Variants in DCC observed in about 807,000 individuals in gnomAD.
The protein encoded by DCC is DCC netrin 1 receptor.
In DCC, 58 loss-of-function variants were observed where a neutral mutation model predicts 172.5. The ratio of observed to expected loss-of-function variants is 0.34; its 90% CI spans 0.27 to 0.42. The LOEUF (loss-of-function observed/expected upper bound fraction) is 0.42. DCC is among the 10% of genes least tolerant of loss of function. The probability of loss-of-function intolerance (pLI) is 1.00; values close to 1 mark genes in which losing one functional copy is unlikely to be tolerated. For synonymous variants in DCC, 709 were observed against 644.5 expected (o/e 1.10, Z -1.52); for missense variants, 1,740 against 1,791.0 (o/e 0.97, Z 0.51).
intron 2 of DCC, among the ~76,000 whole-genome samples, chr18:52,846,570 T>C (rs1034999111): frequency 6.9e-6 from 1 of 145,172 alleles, no homozygotes; most frequent in African/African-American, 2.6e-5. Flanking sequence ...ATTTAACTGC[T>C]TCCTCCTCCT....
At chr18:52,396,371 C>A (rs1986231544) in intron 1 of DCC, among the ~76,000 whole-genome samples, 1 of 148,508 alleles carries the variant, frequency 6.7e-6, no homozygotes, top group South Asian at 2.1e-4. Flanking sequence ...AATTTGAGCT[C>A]CTCCTAATTT....
intron 15 of DCC, among the ~76,000 whole-genome samples, chr18:53,344,440 CTTTTTT>C (rs71175582): frequency 6.2e-5 from 6 of 97,058 alleles, no homozygotes; most frequent in South Asian, 4.0e-4. Flanking sequence ...TTTCGTTTTT[CTTTTTT>C]TTTTTTTTTT....
intron 1 of DCC, among the ~76,000 whole-genome samples, chr18:52,483,327 T>G (rs971416620): frequency 7.9e-5 from 12 of 152,104 alleles, no homozygotes; most frequent in African/African-American, 2.9e-4. Flanking sequence ...AACTATATCT[T>G]TAGCTTCTAT....
intron 8 of DCC, among the ~76,000 whole-genome samples, chr18:53,172,084 A>G (rs780101211): frequency 1.1e-4 from 16 of 152,174 alleles, no homozygotes; most frequent in Non-Finnish European, 1.8e-4. Context: ...CCATGCACTC[A>G]TATATTCTGG....
chr18:52,827,911 T>G (rs2145287719), intron 2 of DCC, among the ~76,000 whole-genome samples: 1 of 152,304 alleles, frequency 6.6e-6, no homozygotes, highest in South Asian at 2.1e-4. Context: ...ACCCTCCAAC[T>G]CAGGTCTGTG....
chr18:53,501,537 C>T (rs1355719830), intron 27 of DCC, among the ~76,000 whole-genome samples: 1 of 152,072 alleles, frequency 6.6e-6, no homozygotes, highest in African/African-American at 2.4e-5. Context: ...CATCAGATTT[C>T]TTCACTCACA....
chr18:52,729,113 GC>G (rs2145090735), intron 1 of DCC, among the ~76,000 whole-genome samples: 2 of 152,246 alleles, frequency 1.3e-5, no homozygotes, highest in South Asian at 4.2e-4. Context: ...AGAAAAGTAA[GC>G]TTTACTGAAA....
chr18:53,006,145 G>A (rs1329489358), intron 5 of DCC, among the ~76,000 whole-genome samples: 7 of 152,120 alleles, frequency 4.6e-5, no homozygotes, highest in African/African-American at 1.7e-4. Context: ...GTTAATACAG[G>A]AACATAAAAA....
At chr18:53,195,674 ACC>A (rs1187837975) in intron 9 of DCC, among the ~76,000 whole-genome samples, 1 of 152,068 alleles carries the variant, frequency 6.6e-6, no homozygotes, top group Non-Finnish European at 1.5e-5. Flanking sequence ...TACCCATTCA[ACC>A]CATTCCTCCT....
intron 25 of DCC, among the ~76,000 whole-genome samples, chr18:53,472,124 A>G (rs946352744): frequency 5.3e-5 from 8 of 152,180 alleles, no homozygotes; most frequent in African/African-American, 1.9e-4. Context: ...ATTTTACTAT[A>G]ATAAGTGCAA....
intron 15 of DCC, among the ~76,000 whole-genome samples, chr18:53,377,352 T>TGAGAGAGAGAGAGAGAGAGAGAGAGA (rs59629030): frequency 2.9e-5 from 4 of 137,296 alleles, no homozygotes; most frequent in African/African-American, 1.1e-4. Context: ...AAGATGCATT[T>TGAGAGAGAGAGAGAGAGAGAGAGAGA]GAGAGAGAGA....
chr18:52,797,645 A>C, intron 2 of DCC, among the ~76,000 whole-genome samples: 1 of 152,210 alleles, frequency 6.6e-6, no homozygotes, highest in Non-Finnish European at 1.5e-5. Context: ...GCAGCAGTAC[A>C]AATGTTGGGT....
At chr18:53,449,583 T>C (rs911536528) in intron 22 of DCC, among the ~76,000 whole-genome samples, 1 of 152,190 alleles carries the variant, frequency 6.6e-6, no homozygotes, top group African/African-American at 2.4e-5. Flanking sequence ...TTGTGAGTGA[T>C]TGGTATCAAG....
At chr18:52,935,463 A>G (rs2040368098) in intron 5 of DCC, among the ~76,000 whole-genome samples, 1 of 152,138 alleles carries the variant, frequency 6.6e-6, no homozygotes, top group Non-Finnish European at 1.5e-5. Flanking sequence ...ATTTACTACA[A>G]ACAAGCATGT....
intron 7 of DCC, among the ~76,000 whole-genome samples, chr18:53,132,890 T>C (rs1235089097): frequency 1.3e-5 from 2 of 152,174 alleles, no homozygotes; most frequent in Non-Finnish European, 2.9e-5. Context: ...TTTCCTTTAA[T>C]GGATCTGGGA....
At position 52,375,121 on chromosome 18, in the gene DCC, G is replaced by A. The variant is rs114150353; in HGVS notation, c.91+34243G>A. The stretch of plus-strand genomic sequence containing the variant: ...TGGTTGCCTTTTGACAAAAGAATGT[G>A]TTAGGACTCTTATTAAAAATAAACC... On this transcript the variant is annotated intron_variant, in intron 1 of 28. Transcript: ENST00000442544. 1.3e-3 allele frequency among the ~76,000 whole-genome samples: 204 copies of A among 152,260 alleles called. 1 individual carries two copies. The highest frequency in any genetic ancestry group is 4.6e-3 in the African/African-American group (190 of 41,560).
chr18:53,200,769 G>A (rs1486713814), intron 9 of DCC, among the ~76,000 whole-genome samples: 1 of 152,118 alleles, frequency 6.6e-6, no homozygotes, highest in Non-Finnish European at 1.5e-5. Flanking sequence ...GTCAGGTAAG[G>A]CTGTGCATGA....
At chr18:52,976,112 G>C (rs1726644163) in intron 5 of DCC, among the ~76,000 whole-genome samples, 1 of 151,868 alleles carries the variant, frequency 6.6e-6, no homozygotes, top group South Asian at 2.1e-4. Flanking sequence ...ATGATCAGTG[G>C]TGAGCCTTTT....
chr18:52,445,602 A>G (rs1442949777), intron 1 of DCC, among the ~76,000 whole-genome samples: 1 of 152,154 alleles, frequency 6.6e-6, no homozygotes, highest in Non-Finnish European at 1.5e-5. Flanking sequence ...TCCTTAAGGT[A>G]GTAATATATT....
Sources: allele counts gnomAD v4.1 joint callset (sites outside exome capture counted in the v4.1 genomes callset), GRCh38; gene constraint gnomAD v4.1.1; transcripts MANE v1.5; gene names NCBI Gene and HGNC (gene_info 2026-07-23, HGNC 2026-07-21).